UBR2: variants seen among roughly 807,000 people sequenced by gnomAD.
UBR2 encodes ubiquitin protein ligase E3 component n-recognin 2.
Under a neutral mutation model 247.9 loss-of-function variants are expected in UBR2, and 92 were observed. The observed-to-expected ratio is 0.37, with a 90% CI of 0.31 to 0.44. UBR2 has a LOEUF of 0.44. UBR2 is among the 20% of genes least tolerant of loss of function. The pLI is 1.00. For missense variants in UBR2, 1,613 were observed against 2,112.6 expected (o/e 0.76, Z 4.64); for synonymous variants, 672 against 693.5 (o/e 0.97, Z 0.49).
intron 11 of UBR2, among the ~76,000 whole-genome samples, chr6:42,618,292 AATG>A (rs1277929475): frequency 6.6e-6 from 1 of 152,176 alleles, no homozygotes; most frequent in Non-Finnish European, 1.5e-5. Flanking sequence ...CATACAAAGG[AATG>A]AGCAGTTGAG....
intron 21 of UBR2, among the ~76,000 whole-genome samples, chr6:42,647,766 C>T (rs975130912): frequency 6.6e-6 from 1 of 152,022 alleles, no homozygotes. Flanking sequence ...AAATACCAGA[C>T]GTATTTTACA....
chr6:42,686,688 CG>C (rs1562405942), intron 44 of UBR2, among the ~76,000 whole-genome samples: 16 of 145,584 alleles, frequency 1.1e-4, no homozygotes, highest in Non-Finnish European at 2.4e-4. Flanking sequence ...CCGGACGGGG[CG>C]GCTGGCCGGG....
chr6:42,688,494 T>A (rs139323249), intron 45 of UBR2, 108 bp downstream of exon 45: 1 of 1,304,338 alleles, frequency 7.7e-7, no homozygotes, highest in East Asian at 2.3e-5. Flanking sequence ...TACTGTTCCG[T>A]GTGATTCATT....
chr6:42,651,533 T>C (rs1797112037), intron 23 of UBR2, among the ~76,000 whole-genome samples: 1 of 152,110 alleles, frequency 6.6e-6, no homozygotes, highest in Non-Finnish European at 1.5e-5. Flanking sequence ...GGTCTCACTC[T>C]GTTACCCAGG....
At chr6:42,639,235 T>C (rs1160634432) in intron 15 of UBR2, among the ~76,000 whole-genome samples, 2 of 152,192 alleles carry the variant, frequency 1.3e-5, no homozygotes, top group Admixed American at 1.3e-4. Flanking sequence ...TAAATGGCCA[T>C]TATATATTGA....
At chr6:42,586,446 AGTTGT>A (rs1792267503) in intron 2 of UBR2, among the ~76,000 whole-genome samples, 1 of 151,598 alleles carries the variant, frequency 6.6e-6, no homozygotes, top group Non-Finnish European at 1.5e-5. Context: ...TATATTTTGC[AGTTGT>A]TGGATGTAAT....
intron 34 of UBR2, among the ~76,000 whole-genome samples, chr6:42,669,069 A>G (rs548814645): frequency 7.2e-5 from 11 of 151,988 alleles, no homozygotes; most frequent in Non-Finnish European, 1.3e-4. Context: ...GACTACAGGC[A>G]TGCACCACCA....
At chr6:42,636,416 C>T (rs1428830202) in intron 14 of UBR2, among the ~76,000 whole-genome samples, 4 of 151,972 alleles carry the variant, frequency 2.6e-5, no homozygotes, top group African/African-American at 7.2e-5. Context: ...TGGGCTCAAG[C>T]GATCTGCTTG....
In UBR2 at chr6:42,636,178, T is replaced by G. The variant is rs574500328; in HGVS notation, c.1674+632T>G. Among the ~76,000 whole-genome samples the G allele has an allele frequency of 2.6e-3, 179 of 69,908 alleles. 1 individual carries two copies. Among genetic ancestry groups the G allele is most frequent in the African/African-American group, 4.6e-3 (90 of 19,720 alleles). 45.9% of individuals were successfully genotyped at this position (69,908 alleles called of 152,430 possible). On this transcript the variant is annotated intron_variant, in intron 14 of 46. Coordinates refer to ENST00000372901, the MANE Select transcript of UBR2 (RefSeq NM_001363705.2). Reference sequence around the variant, plus strand: ...GGGCCTTGGCCATGGTTGTTTTTTTTTTTGTTTTTTTTTTTTTTGAGACAC... The same window carrying G: ...GGGCCTTGGCCATGGTTGTTTTTTTGTTTGTTTTTTTTTTTTTTGAGACAC...
chr6:42,573,660 A>G (rs1249052394), intron 1 of UBR2, 74 bp from the exon 2 acceptor site: 12 of 1,391,092 alleles, frequency 8.6e-6, no homozygotes, highest in Admixed American at 2.8e-5. Context: ...TGTACCTAAA[A>G]GAAAGTAGGG....
Position 42,592,204 on chromosome 6 carries a change from G to A in UBR2, c.392G>A (p.Ser131Asn). 6.3e-7 allele frequency: 1 copy of A among 1,597,154 alleles called. No individual in the cohort carries two copies. Among genetic ancestry groups the A allele is most frequent in the Non-Finnish European group, 8.5e-7 (1 of 1,175,168 alleles). The change falls in exon 3 of 47, where the codon AGT becomes AAT. Residue 131 changes from serine to asparagine, a missense_variant. Transcript: ENST00000372901. ...CVLCMECFLGSIHRDHRYRMT... is the reference protein window; with the variant it reads ...CVLCMECFLGNIHRDHRYRMT... ...TTGTGCATGGAGTGCTTTTTGGGAA[G>A]TATTCACAGAGATCATCGATATAGG...
chr6:42,607,487 A>G (rs1046621134), intron 7 of UBR2, among the ~76,000 whole-genome samples: 3 of 151,804 alleles, frequency 2.0e-5, no homozygotes, highest in African/African-American at 7.3e-5. Flanking sequence ...AATATATAAA[A>G]TAATATGGAG....
intron 46 of UBR2, among the ~76,000 whole-genome samples, chr6:42,690,517 A>C (rs993961309): frequency 1.2e-4 from 18 of 152,152 alleles, no homozygotes; most frequent in Non-Finnish European, 2.2e-4. Flanking sequence ...TTTAAATTAG[A>C]CCTGGAAGTT....
chr6:42,606,320 T>C (rs565939528), intron 6 of UBR2, among the ~76,000 whole-genome samples: 5 of 152,204 alleles, frequency 3.3e-5, no homozygotes, highest in African/African-American at 9.6e-5. Flanking sequence ...CAATAGAAAG[T>C]TTAAGAGAAC....
chr6:42,602,673 A>G (rs1793459893), intron 4 of UBR2, among the ~76,000 whole-genome samples: 1 of 148,634 alleles, frequency 6.7e-6, no homozygotes, highest in South Asian at 2.1e-4. Context: ...TATAAAATAT[A>G]TACTTTATAA....
rs1799776826 is a variant in UBR2 at position 42,691,992 on chromosome 6, A to G, written c.*819A>G. On this transcript the variant is annotated 3_prime_UTR_variant, in exon 47 of 47. Coordinates refer to ENST00000372901, the MANE Select transcript of UBR2 (RefSeq NM_001363705.2). ...ATATCTAGATGAGAGGCCTTCCTTC[A>G]TAAGATCTGGTTGTTTGGGCTGTGG... 1.3e-5 allele frequency: 2 copies of G among 152,078 alleles called. No homozygotes were observed. The highest frequency in any genetic ancestry group is 2.4e-5 in the African/African-American group (1 of 41,404). 9.4% of individuals were successfully genotyped at this position (152,078 alleles called of 1,614,324 possible). A position where few individuals can be genotyped will look rare whatever the true frequency, so the allele number is the denominator to read the frequency against.
rs758317460 is a variant in UBR2, at chr6:42,605,864, G to A, written c.801+5G>A. 6.3e-7 allele frequency: 1 copy of A among 1,598,838 alleles called. No homozygotes were observed. Among genetic ancestry groups the A allele is most frequent in the Non-Finnish European group, 8.5e-7 (1 of 1,175,686 alleles). ...GCAACTACAGTAGATCGAGATGTAA[G>A]TAATTTTACCATGTTGATAATAAAT... is the stretch of plus-strand genomic sequence containing the variant. On this transcript the variant is annotated splice_donor_5th_base_variant and intron_variant, in intron 6 of 46. Transcript: ENST00000372901.
intron 9 of UBR2, 122 bp from the exon 10 acceptor site, chr6:42,615,880 A>C: frequency 1.4e-6 from 1 of 697,126 alleles, no homozygotes; most frequent in Non-Finnish European, 2.3e-6. Context: ...CAACACAGCA[A>C]GACACTGTCT....
At chr6:42,569,728 TA>T (rs1790996995) in intron 1 of UBR2, among the ~76,000 whole-genome samples, 1 of 152,204 alleles carries the variant, frequency 6.6e-6, no homozygotes, top group South Asian at 2.1e-4. Flanking sequence ...GAGACTGTAA[TA>T]AAAGGCTAAC....
Sources: allele counts gnomAD v4.1 joint callset (sites outside exome capture counted in the v4.1 genomes callset), GRCh38; gene constraint gnomAD v4.1.1; transcripts MANE v1.5; gene names NCBI Gene and HGNC (gene_info 2026-07-23, HGNC 2026-07-21).